Variants in CA8 observed in about 807,000 individuals in gnomAD.
CA8 encodes the protein carbonic anhydrase-related protein.
CA8 carries 22 observed loss-of-function variants against 41.4 expected under a neutral mutation model. That is an observed-to-expected ratio of 0.53 (90% CI 0.38 to 0.76). The LOEUF is 0.76. Among genes scored for constraint, CA8 ranks in the 30% least tolerant of loss-of-function variants. The probability of loss-of-function intolerance (pLI) is 0.00; values close to 1 mark genes in which losing one functional copy is unlikely to be tolerated. For synonymous variants in CA8, 121 were observed against 130.6 expected (o/e 0.93, Z 0.50); for missense variants, 270 against 352.8 (o/e 0.77, Z 1.88).
chr8:60,200,057 T>C (rs76143215), intron 8 of CA8, among the ~76,000 whole-genome samples: 415 of 152,318 alleles, frequency 2.7e-3, no homozygotes, highest in Non-Finnish European at 4.4e-3. Flanking sequence ...GTGATTATAT[T>C]GATCATGTGG....
chr8:60,234,295 T>G (rs1807756729), intron 3 of CA8, among the ~76,000 whole-genome samples: 1 of 152,128 alleles, frequency 6.6e-6, no homozygotes, highest in African/African-American at 2.4e-5. Flanking sequence ...AAAAGAAGCC[T>G]AAGAAGACAT....
At position 60,232,268 on chromosome 8, in the gene CA8, A is replaced by G; in HGVS notation, c.513+16T>C. ...AGCATCTCTAAACAATACGATAATC[A>G]CAGCAGACCGTTTACCTGAACAAAC... On this transcript the variant is annotated intron_variant, in intron 4 of 8. Coordinates refer to ENST00000317995, the MANE Select transcript of CA8 (RefSeq NM_004056.6). 1.3e-6 allele frequency: 2 copies of G among 1,587,386 alleles called. No homozygotes were observed. The highest frequency in any genetic ancestry group is 1.3e-5 in the African/African-American group (1 of 74,510).
rs111634118 is a variant in CA8 at position 60,217,598 on chromosome 8, C to A, written c.738+5051G>T. Among the ~76,000 whole-genome samples the A allele has an allele frequency of 6.5e-3, 997 of 152,306 alleles. 15 individuals carry two copies. The highest frequency in any genetic ancestry group is 0.022 in the African/African-American group (921 of 41,550). On this transcript the variant is annotated intron_variant, in intron 7 of 8. Transcript: ENST00000317995. ...CTTCACCCACCACCTGTATACCATA[C>A]CCCTTTCTTGGATGTCTTAAAGGCA...
chr8:60,257,504 A>G (rs1317989825), intron 3 of CA8, among the ~76,000 whole-genome samples: 1 of 152,188 alleles, frequency 6.6e-6, no homozygotes, highest in Non-Finnish European at 1.5e-5. Flanking sequence ...GGTTAGATGT[A>G]AATCTAGGTT....
rs746217525 is a variant in CA8, at chr8:60,281,198, C to T, written c.-51G>A. 54 of 1,332,608 alleles carry T rather than the reference C, an allele frequency of 4.1e-5. No individual in the cohort carries two copies. Among genetic ancestry groups the T allele is most frequent in the Non-Finnish European group, 3.4e-5 (33 of 957,956 alleles). The allele number at this position is 1,332,608 out of a possible 1,614,324, so 82.5% of individuals were successfully genotyped here. A position where few individuals can be genotyped will look rare whatever the true frequency, so the allele number is the denominator to read the frequency against. ...CTCTCGGCAGCAGTGCCTGCGCCTT[C>T]GCTGGGCGCGGGGCTGGAGCCGGAG... On this transcript the variant is annotated 5_prime_UTR_variant, in exon 1 of 9. Transcript: ENST00000317995.
intron 3 of CA8, among the ~76,000 whole-genome samples, chr8:60,238,867 T>C (rs992601829): frequency 6.6e-6 from 1 of 152,128 alleles, no homozygotes; most frequent in East Asian, 1.9e-4. Context: ...CAATCTGCCC[T>C]GACACCCAGA....
rs371469469 is a variant in CA8, at chr8:60,271,889, T to A, written c.293-5840A>T. On this transcript the variant is annotated intron_variant, in intron 2 of 8. Transcript: ENST00000317995. ...TTTAATTTTAATTTGCCTGTGTACC[T>A]TAAATGTCAAGATTCCTGAGAGACA... 2.8e-5 allele frequency among the ~76,000 whole-genome samples: 4 copies of A among 141,604 alleles called. 1 individual carries two copies. Among genetic ancestry groups the A allele is most frequent in the East Asian group, 3.9e-4 (2 of 5,090 alleles). The allele number at this position is 141,604 out of a possible 152,430, so 92.9% of individuals were successfully genotyped here. A position where few individuals can be genotyped will look rare whatever the true frequency, so the allele number is the denominator to read the frequency against.
chr8:60,242,776 T>C (rs1200403659), intron 3 of CA8, among the ~76,000 whole-genome samples: 2 of 152,188 alleles, frequency 1.3e-5, no homozygotes, highest in African/African-American at 4.8e-5. Context: ...ACAGAGCAAG[T>C]GCTGGCTAGA....
chr8:60,247,847 T>C (rs1432121816), intron 3 of CA8, among the ~76,000 whole-genome samples: 5 of 152,240 alleles, frequency 3.3e-5, no homozygotes, highest in South Asian at 2.1e-4. Flanking sequence ...TCCACAATGG[T>C]TGAACTAATT....
In CA8 at chr8:60,209,057, G is replaced by C. The variant is rs192758791; in HGVS notation, c.739-138C>G. On this transcript the variant is annotated intron_variant, in intron 7 of 8. Transcript: ENST00000317995. ...GAAAATTAAAATTAAGCTTCAAAAA[G>C]AAAAAAAACAGACTTAATTCTTCCA... The C allele has an allele frequency of 3.0e-3, 2,953 of 979,714 alleles. 6 individuals are homozygous for C. Among genetic ancestry groups the C allele is most frequent in the Non-Finnish European group, 3.4e-3 (2,289 of 665,650 alleles). 60.7% of individuals were successfully genotyped at this position (979,714 alleles called of 1,614,324 possible).
At chr8:60,231,757 A>G (rs1429027078) in intron 4 of CA8, among the ~76,000 whole-genome samples, 1 of 152,082 alleles carries the variant, frequency 6.6e-6, no homozygotes, top group Admixed American at 6.5e-5. Flanking sequence ...AAATTTATAT[A>G]CTCTTCTTTG....
At chr8:60,255,985 T>G (rs1808622192) in intron 3 of CA8, among the ~76,000 whole-genome samples, 1 of 151,478 alleles carries the variant, frequency 6.6e-6, no homozygotes, top group Non-Finnish European at 1.5e-5. Context: ...CTCAGGCCAC[T>G]ACAACCTCCG....
At chr8:60,239,381 AC>A (rs1436519681) in intron 3 of CA8, among the ~76,000 whole-genome samples, 1 of 152,156 alleles carries the variant, frequency 6.6e-6, no homozygotes, top group Non-Finnish European at 1.5e-5. Flanking sequence ...GGGAGCAGAT[AC>A]CCCTAGAGCA....
At chr8:60,237,786 C>A (rs1351433523) in intron 3 of CA8, among the ~76,000 whole-genome samples, 1 of 152,234 alleles carries the variant, frequency 6.6e-6, no homozygotes, top group African/African-American at 2.4e-5. Flanking sequence ...TACACTTGGG[C>A]ACCTCAGGGT....
chr8:60,186,780 T>A lies in CA8; in HGVS notation c.*3241A>T, dbSNP rs779127712. 7.2e-6 allele frequency among the ~76,000 whole-genome samples: 1 copy of A among 139,398 alleles called. No homozygotes were observed. 91.5% of individuals were successfully genotyped at this position (139,398 alleles called of 152,430 possible). The stretch of plus-strand genomic sequence containing the variant: ...AGCTATATTAATATCTGACAAAGTA[T>A]ATATTAAAATAAAAAAATGTTACTA... On this transcript the variant is annotated 3_prime_UTR_variant, in exon 9 of 9. Coordinates refer to ENST00000317995, the MANE Select transcript of CA8 (RefSeq NM_004056.6).
rs1805942204 is a variant in CA8 at position 60,185,593 on chromosome 8, T to G, written c.*4428A>C. ...TTGAAAGCAGAAACAGAAAAACGAT[T>G]TGTCTTGTAGAAGGAAACCTCATTA... On this transcript the variant is annotated 3_prime_UTR_variant, in exon 9 of 9. Transcript: ENST00000317995. 6.6e-6 allele frequency among the ~76,000 whole-genome samples: 1 copy of G among 152,146 alleles called. No individual in the cohort carries two copies. Among genetic ancestry groups the G allele is most frequent in the African/African-American group, 2.4e-5 (1 of 41,444 alleles).
Position 60,281,400 on chromosome 8 carries a change from T to G in CA8, c.-253A>C. 5 of 516,382 alleles carry G rather than the reference T, an allele frequency of 9.7e-6. No homozygotes were observed. Among genetic ancestry groups the G allele is most frequent in the South Asian group, 2.1e-5 (1 of 47,634 alleles). The allele number at this position is 516,382 out of a possible 1,614,324, so 32.0% of individuals were successfully genotyped here. On this transcript the variant is annotated 5_prime_UTR_variant, in exon 1 of 9. Coordinates refer to ENST00000317995, the MANE Select transcript of CA8 (RefSeq NM_004056.6). Reference sequence around the variant, plus strand: ...GCAGAGCGAGGGAGCGGCTGTGGCCTGGGGAGCGAGCGCCTGGCGAATTTT... The same window carrying G: ...GCAGAGCGAGGGAGCGGCTGTGGCCGGGGGAGCGAGCGCCTGGCGAATTTT...
At chr8:60,190,614 A>C (rs930933063) in intron 8 of CA8, among the ~76,000 whole-genome samples, 3 of 150,444 alleles carry the variant, frequency 2.0e-5, no homozygotes, top group Admixed American at 6.6e-5. Flanking sequence ...GGAAATTTGC[A>C]GTCTTATTAG....
At position 60,187,682 on chromosome 8, in the gene CA8, G is replaced by T. The variant is rs1318868817; in HGVS notation, c.*2339C>A. Reference sequence around the variant, plus strand: ...TATTACTTTACACACCATCAGGTACGTTAGTTACCATGAATCAGAGGCACT... The same window carrying T: ...TATTACTTTACACACCATCAGGTACTTTAGTTACCATGAATCAGAGGCACT... On this transcript the variant is annotated 3_prime_UTR_variant, in exon 9 of 9. Coordinates refer to ENST00000317995, the MANE Select transcript of CA8 (RefSeq NM_004056.6). 6.6e-6 allele frequency: 1 copy of T among 152,116 alleles called. No individual in the cohort carries two copies. The highest frequency in any genetic ancestry group is 1.5e-5 in the Non-Finnish European group (1 of 68,002). The allele number at this position is 152,116 out of a possible 1,614,324, so 9.4% of individuals were successfully genotyped here.
Sources: allele counts gnomAD v4.1 joint callset (sites outside exome capture counted in the v4.1 genomes callset), GRCh38; gene constraint gnomAD v4.1.1; transcripts MANE v1.5; gene names NCBI Gene and HGNC (gene_info 2026-07-23, HGNC 2026-07-21).